KIF17: variants seen among roughly 807,000 people sequenced by gnomAD.
KIF17 encodes kinesin-like protein KIF17.
Under a neutral mutation model 96.8 loss-of-function variants are expected in KIF17, and 80 were observed. The ratio of observed to expected loss-of-function variants is 0.83; its 90% CI spans 0.69 to 1.00. The LOEUF is 1.00. KIF17 is among the 50% of genes least tolerant of loss of function. The probability of loss-of-function intolerance (pLI) is 0.00; values close to 1 mark genes in which losing one functional copy is unlikely to be tolerated. For synonymous variants in KIF17, 567 were observed against 587.5 expected (o/e 0.97, Z 0.51); for missense variants, 1,280 against 1,372.9 (o/e 0.93, Z 1.07).
At chr1:20,711,424 C>T (rs377354629) in intron 3 of KIF17, among the ~76,000 whole-genome samples, 1 of 152,204 alleles carries the variant, frequency 6.6e-6, no homozygotes, top group African/African-American at 2.4e-5. Flanking sequence ...CAGCCCTCAG[C>T]CGCGCACCAG....
At chr1:20,706,349 G>C (rs2054340530) in intron 4 of KIF17, among the ~76,000 whole-genome samples, 1 of 151,824 alleles carries the variant, frequency 6.6e-6, no homozygotes, top group Non-Finnish European at 1.5e-5. Context: ...CCAGCACTTT[G>C]GGAGGCCAAG....
intron 3 of KIF17, among the ~76,000 whole-genome samples, chr1:20,711,996 C>T (rs887547427): frequency 1.3e-5 from 2 of 152,126 alleles, no homozygotes; most frequent in East Asian, 1.9e-4. Flanking sequence ...GTCTAAAGCC[C>T]GGTGACCTCT....
At position 20,664,662 on chromosome 1, in the gene KIF17, G is replaced by A. The variant is rs1213431411; in HGVS notation, c.3009C>T (p.Arg1003=). 2 of 1,613,872 alleles carry A rather than the reference G, an allele frequency of 1.2e-6. No individual in the cohort carries two copies. Among genetic ancestry groups the A allele is most frequent in the Non-Finnish European group, 1.7e-6 (2 of 1,179,966 alleles). ...TGAAAGGGATGTCGAGGGACTCGAG[G>A]CGGAAGGGCCGGGGCTGGGGCATTT... ...APEMPQPRPF[R]LESLDIPFTK... is the part of the protein sequence containing the mutation. The change falls in exon 15 of 15, where the codon CGC becomes CGT. Residue 1003 remains arginine (R), a synonymous_variant. Coordinates refer to ENST00000400463, the MANE Select transcript of KIF17 (RefSeq NM_001122819.3).
Position 20,700,506 on chromosome 1 carries a change from G to C in KIF17, c.1124-2018C>G, listed in dbSNP as rs555012368. Among the ~76,000 whole-genome samples, 8 of 152,328 alleles carry C rather than the reference G, an allele frequency of 5.3e-5. No individual in the cohort carries two copies. Among genetic ancestry groups the C allele is most frequent in the East Asian group, 1.9e-4 (1 of 5,188 alleles). ...CCTGAGTTGCCTCTGTCAGCTGTTG[G>C]GGGGAGCTGCAGCCTAGCAGATTTG... is the stretch of plus-strand genomic sequence containing the variant. On this transcript the variant is annotated intron_variant, in intron 5 of 14. Transcript: ENST00000400463. The surrounding 1 kb of genome is among the most constrained non-coding windows in gnomAD (Gnocchi z 4.6).
intron 5 of KIF17, among the ~76,000 whole-genome samples, chr1:20,703,166 GATGGATGGATGA>G (rs1276048610): frequency 3.7e-5 from 3 of 80,970 alleles, no homozygotes; most frequent in South Asian, 3.0e-4. Context: ...GAAGGATGGA[GATGGATGGATGA>G]ATGGATGGAC....
Position 20,666,415 on chromosome 1 carries a change from A to T in KIF17, c.2791-84T>A. 3.6e-6 allele frequency: 4 copies of T among 1,120,668 alleles called. No homozygotes were observed. In the Admixed American group the frequency reaches 5.1e-5, roughly 14 times the overall value. 69.4% of individuals were successfully genotyped at this position (1,120,668 alleles called of 1,614,324 possible). A position where few individuals can be genotyped will look rare whatever the true frequency, so the allele number is the denominator to read the frequency against. ...TCCACAGCCTCTGGTATCCTGGGGC[A>T]GTGGGGGCCGCCCCGAGCTTCCCCG... On this transcript the variant is annotated intron_variant, in intron 13 of 14. Coordinates refer to ENST00000400463, the MANE Select transcript of KIF17 (RefSeq NM_001122819.3).
In KIF17 at chr1:20,672,306, G is replaced by T; in HGVS notation, c.2464-110C>A. The T allele has an allele frequency of 2.9e-6, 4 of 1,359,750 alleles. No individual in the cohort carries two copies. Among genetic ancestry groups the T allele is most frequent in the Non-Finnish European group, 4.1e-6 (4 of 982,652 alleles). The allele number at this position is 1,359,750 out of a possible 1,614,324, so 84.2% of individuals were successfully genotyped here. On this transcript the variant is annotated intron_variant, in intron 11 of 14. Transcript: ENST00000400463. The surrounding 1 kb of genome is among the most constrained non-coding windows in gnomAD (Gnocchi z 4.3). ...GCAGCCACGCATCGTCTGTTCATTGGCCTGATCAGCCATCCATTCTCATCC... is the reference window on the plus strand; with the variant it reads ...GCAGCCACGCATCGTCTGTTCATTGTCCTGATCAGCCATCCATTCTCATCC...
chr1:20,690,344 G>A lies in KIF17; in HGVS notation c.1234-9C>T. 1.3e-6 allele frequency: 2 copies of A among 1,589,304 alleles called. No homozygotes were observed. Among genetic ancestry groups the A allele is most frequent in the South Asian group, 1.1e-5 (1 of 90,186 alleles). ...AGGCGCTCTTCATACTCCTGGGGGGGTGGGAGGGACCAGAGGGCAGGCAGC... is the reference window on the plus strand; with the variant it reads ...AGGCGCTCTTCATACTCCTGGGGGGATGGGAGGGACCAGAGGGCAGGCAGC... On this transcript the variant is annotated splice_polypyrimidine_tract_variant and intron_variant, in intron 6 of 14. Transcript: ENST00000400463.
intron 6 of KIF17, among the ~76,000 whole-genome samples, chr1:20,697,395 C>T (rs2054161015): frequency 6.6e-6 from 1 of 152,084 alleles, no homozygotes; most frequent in African/African-American, 2.4e-5. Context: ...ATCTCTTGAG[C>T]CCAGGAGTTC....
At chr1:20,710,073 C>T (rs1026890722) in intron 3 of KIF17, among the ~76,000 whole-genome samples, 22 of 150,352 alleles carry the variant, frequency 1.5e-4, no homozygotes, top group African/African-American at 5.2e-4. Flanking sequence ...TCAGTTTCCA[C>T]ATCTGTAAAA....
intron 6 of KIF17, among the ~76,000 whole-genome samples, chr1:20,690,899 G>A (rs1198574818): frequency 6.6e-6 from 1 of 152,004 alleles, no homozygotes; most frequent in East Asian, 1.9e-4. Context: ...GTGTTAGCCA[G>A]GATGGTTTCG....
chr1:20,683,087 A>G (rs1430600806), intron 10 of KIF17, among the ~76,000 whole-genome samples: 1 of 152,118 alleles, frequency 6.6e-6, no homozygotes, highest in East Asian at 1.9e-4. Context: ...CTGCCTGTGC[A>G]CTTGACCACA....
In KIF17 at chr1:20,685,868, G is replaced by C. The variant is rs977313969; in HGVS notation, c.2019+178C>G. 2.0e-5 allele frequency among the ~76,000 whole-genome samples: 3 copies of C among 152,328 alleles called. No individual in the cohort carries two copies. The highest frequency in any genetic ancestry group is 1.9e-4 in the East Asian group (1 of 5,180). On this transcript the variant is annotated intron_variant, in intron 9 of 14. Transcript: ENST00000400463. The surrounding 1 kb of genome is among the most constrained non-coding windows in gnomAD (Gnocchi z 4.1). ...TTTCACTCCATAAGAAGAAGATGAT[G>C]GTTCCTCCCACTGCACACTGCCTGG... is the stretch of plus-strand genomic sequence containing the variant.
At position 20,704,522 on chromosome 1, in the gene KIF17, G is replaced by A. The variant is rs1195511154; in HGVS notation, c.1048C>T (p.Leu350Phe). Residue 350 changes from leucine (L) to phenylalanine (F), a missense_variant, in exon 5 of 15, where the codon CTT becomes TTT. Leu to Phe is a conservative substitution (Grantham distance 22). Transcript: ENST00000400463. This position sits in a 1 kb window ranked among gnomAD's most constrained non-coding sequence, Gnocchi z 6.8. ...TTGATCTCCTCCTGGTACTCGCGAA[G>A]CAGCGCATCCTTGGGGTCCTCATTG... ...RINEDPKDALLREYQEEIKKL... is the reference protein window; with the variant it reads ...RINEDPKDALFREYQEEIKKL... 7.4e-6 allele frequency: 12 copies of A among 1,614,120 alleles called. No individual in the cohort carries two copies. Among genetic ancestry groups the A allele is most frequent in the Non-Finnish European group, 1.0e-5 (12 of 1,180,048 alleles).
chr1:20,703,856 G>T (rs568177526), intron 5 of KIF17, among the ~76,000 whole-genome samples: 1 of 151,928 alleles, frequency 6.6e-6, no homozygotes, highest in Admixed American at 6.6e-5. Flanking sequence ...GCGTGAACCC[G>T]GGAGGCAGAG....
chr1:20,683,021 C>T, intron 10 of KIF17, 137 bp from the exon 11 acceptor site: 1 of 710,876 alleles, frequency 1.4e-6, no homozygotes, highest in Non-Finnish European at 2.4e-6. Flanking sequence ...GAAACCGAGG[C>T]TCGGCGACAG....
chr1:20,713,193 A>C (rs34403052), intron 3 of KIF17, among the ~76,000 whole-genome samples: 2 of 149,858 alleles, frequency 1.3e-5, no homozygotes, highest in African/African-American at 4.9e-5. Context: ...ATGGGTTTTC[A>C]CCATGTTGGC....
At chr1:20,669,588 TA>T (rs2154534983) in intron 13 of KIF17, among the ~76,000 whole-genome samples, 1 of 138,678 alleles carries the variant, frequency 7.2e-6, no homozygotes, top group East Asian at 2.1e-4. Context: ...TAAAATAAAA[TA>T]GAGGCCGGGC....
intron 10 of KIF17, 31 bp downstream of exon 10, chr1:20,684,778 G>A (rs1291435212): frequency 1.0e-5 from 16 of 1,542,482 alleles, no homozygotes; most frequent in Non-Finnish European, 1.3e-5. Flanking sequence ...CTCACCGTGG[G>A]GTCCCGCCAG....
Sources: allele counts gnomAD v4.1 joint callset (sites outside exome capture counted in the v4.1 genomes callset), GRCh38; gene constraint gnomAD v4.1.1; non-coding constraint Gnocchi (gnomAD v3.1); transcripts MANE v1.5; gene names NCBI Gene and HGNC (gene_info 2026-07-23, HGNC 2026-07-21).